Variants in IL23R observed in about 807,000 individuals in gnomAD.
IL23R encodes interleukin-23 receptor.
Under a neutral mutation model 56.9 loss-of-function variants are expected in IL23R, and 34 were observed. The ratio of observed to expected loss-of-function variants is 0.60; its 90% CI spans 0.45 to 0.80. The LOEUF is 0.80. Among genes scored for constraint, IL23R ranks in the 30% least tolerant of loss-of-function variants. The pLI is 0.00. For missense variants in IL23R, 635 were observed against 730.0 expected (o/e 0.87, Z 1.50); for synonymous variants, 230 against 249.2 (o/e 0.92, Z 0.73).
Position 67,169,370 on chromosome 1 carries a change from C to A in IL23R, c.99C>A (p.His33Gln). 1 of 1,612,598 alleles carries A rather than the reference C, an allele frequency of 6.2e-7. No homozygotes were observed. The highest frequency in any genetic ancestry group is 8.5e-7 in the Non-Finnish European group (1 of 1,178,940). ...TTACAAATATAAACTGCTCTGGCCA[C>A]ATCTGGGTAGAACCAGCCACAATTT... The part of the protein sequence containing the change: ...GGITNINCSG[H>Q]IWVEPATIFK... The change falls in exon 3 of 11, where the codon CAC becomes CAA. Residue 33 changes from histidine to glutamine, a missense_variant. His to Gln is a conservative substitution (Grantham distance 24). Transcript: ENST00000347310.
chr1:67,141,412 A>G (rs1646636372), intron 1 of IL23R, among the ~76,000 whole-genome samples: 1 of 152,098 alleles, frequency 6.6e-6, no homozygotes, highest in African/African-American at 2.4e-5. Flanking sequence ...GAAAAGTCAA[A>G]AGCCTCTTAA....
intron 4 of IL23R, among the ~76,000 whole-genome samples, chr1:67,186,913 G>A (rs541364506): frequency 2.0e-5 from 3 of 152,130 alleles, no homozygotes; most frequent in Non-Finnish European, 4.4e-5. Flanking sequence ...AAGCCAACGC[G>A]CCTGGCCCTT....
At chr1:67,141,480 C>T (rs918743418) in intron 1 of IL23R, among the ~76,000 whole-genome samples, 15 of 152,130 alleles carry the variant, frequency 9.9e-5, no homozygotes, top group East Asian at 3.9e-4. Context: ...TTTACAAGTC[C>T]GGTCCAGGGA....
rs1179795253 is a variant in IL23R, at chr1:67,227,952, T to A, written c.955+8222T>A. ...CTACAGAACAAAGATCTTTCTTTCT[T>A]TCTTTCTTTCTTTCTTTCTTTCTTT... On this transcript the variant is annotated intron_variant, in intron 7 of 10. Transcript: ENST00000347310. 7.3e-4 allele frequency among the ~76,000 whole-genome samples: 8 copies of A among 11,010 alleles called. 1 individual carries two copies. Among genetic ancestry groups the A allele is most frequent in the Non-Finnish European group, 1.4e-3 (7 of 5,178 alleles). 7.2% of individuals were successfully genotyped at this position (11,010 alleles called of 152,430 possible). A position where few individuals can be genotyped will look rare whatever the true frequency, so the allele number is the denominator to read the frequency against.
Position 67,242,942 on chromosome 1 carries a change from T to A in IL23R, c.1148+2661T>A, listed in dbSNP as rs145214643. On this transcript the variant is annotated intron_variant, in intron 9 of 10. Coordinates refer to ENST00000347310, the MANE Select transcript of IL23R (RefSeq NM_144701.3). Reference sequence around the variant, plus strand: ...TAGCCAAATGTACCTGAAGCTTTGATTGTTTTCCCAGGAATATGGGTTTGA... The same window carrying A: ...TAGCCAAATGTACCTGAAGCTTTGAATGTTTTCCCAGGAATATGGGTTTGA... Among the ~76,000 whole-genome samples the A allele has an allele frequency of 1.2e-3, 187 of 152,340 alleles. 1 individual carries two copies. Among genetic ancestry groups the A allele is most frequent in the African/African-American group, 4.4e-3 (181 of 41,586 alleles).
At chr1:67,247,864 C>T (rs752684169) in intron 9 of IL23R, among the ~76,000 whole-genome samples, 26 of 152,110 alleles carry the variant, frequency 1.7e-4, no homozygotes, top group Non-Finnish European at 3.4e-4. Context: ...ATTTCTCCTT[C>T]GCTTATGAAG....
At chr1:67,189,242 G>T (rs1243982708) in intron 4 of IL23R, among the ~76,000 whole-genome samples, 2 of 151,882 alleles carry the variant, frequency 1.3e-5, no homozygotes, top group Non-Finnish European at 1.5e-5. Flanking sequence ...ATCTAGAATG[G>T]GGCCTGACAC....
chr1:67,156,141 T>C (rs996744108), intron 1 of IL23R, among the ~76,000 whole-genome samples: 1 of 152,204 alleles, frequency 6.6e-6, no homozygotes, highest in African/African-American at 2.4e-5. Context: ...CAGCAAAGAT[T>C]GCTCCCTGTT....
intron 3 of IL23R, among the ~76,000 whole-genome samples, chr1:67,175,026 G>A (rs142452965): frequency 6.6e-6 from 1 of 152,080 alleles, no homozygotes; most frequent in African/African-American, 2.4e-5. Context: ...TGAGTCATAT[G>A]TTCATTCCCA....
downstream of IL23R, among the ~76,000 whole-genome samples, chr1:67,262,409 G>T (rs1016107990): frequency 6.6e-6 from 1 of 152,132 alleles, no homozygotes; most frequent in Admixed American, 6.6e-5. Flanking sequence ...GGGATAATGT[G>T]GTGGATAGCA....
At chr1:67,165,402 A>C (rs1646863534), upstream of IL23R, among the ~76,000 whole-genome samples, 1 of 152,218 alleles carries the variant, frequency 6.6e-6, no homozygotes, top group Admixed American at 6.5e-5. Flanking sequence ...TGTGAAATAA[A>C]AACAATTTTA....
chr1:67,226,129 G>A (rs1328765765), intron 7 of IL23R, among the ~76,000 whole-genome samples: 2 of 152,246 alleles, frequency 1.3e-5, no homozygotes, highest in Admixed American at 1.3e-4. Flanking sequence ...GCAGGAGCTG[G>A]GGTGAGCACC....
chr1:67,150,282 C>T (rs1646716756), intron 1 of IL23R, among the ~76,000 whole-genome samples: 1 of 113,094 alleles, frequency 8.8e-6, no homozygotes, highest in African/African-American at 3.4e-5. Flanking sequence ...ACTTTAAGTT[C>T]CAGGATAAAT....
At chr1:67,149,056 TGA>T (rs1646706364) in intron 1 of IL23R, among the ~76,000 whole-genome samples, 1 of 152,158 alleles carries the variant, frequency 6.6e-6, no homozygotes, top group South Asian at 2.1e-4. Flanking sequence ...AACATTGTAG[TGA>T]TAATAACCTA....
At chr1:67,143,385 A>T (rs1226823298) in intron 1 of IL23R, among the ~76,000 whole-genome samples, 2 of 152,166 alleles carry the variant, frequency 1.3e-5, no homozygotes, top group East Asian at 3.8e-4. Flanking sequence ...TTTTGAGTAT[A>T]AGGAGTTTAT....
At chr1:67,209,073 C>T (rs112874012) in intron 6 of IL23R, among the ~76,000 whole-genome samples, 4,703 of 152,168 alleles carry the variant, frequency 0.031, 103 homozygotes, top group Non-Finnish European at 0.046. Flanking sequence ...CTTGCATGGG[C>T]GCTGTAACCC....
At chr1:67,254,810 T>C (rs1019523552) in intron 9 of IL23R, among the ~76,000 whole-genome samples, 16 of 152,236 alleles carry the variant, frequency 1.1e-4, no homozygotes, top group Non-Finnish European at 4.4e-5. Context: ...ATTTGTACTG[T>C]CAATGCAGAG....
intron 7 of IL23R, among the ~76,000 whole-genome samples, chr1:67,220,047 G>T (rs749221311): frequency 6.6e-6 from 1 of 152,030 alleles, no homozygotes; most frequent in Non-Finnish European, 1.5e-5. Context: ...CTCTAGCCTG[G>T]AGGAAAGACC....
At chr1:67,141,963 C>A (rs1243089788) in intron 1 of IL23R, among the ~76,000 whole-genome samples, 1 of 152,160 alleles carries the variant, frequency 6.6e-6, no homozygotes, top group African/African-American at 2.4e-5. Flanking sequence ...TTAAGACATG[C>A]ATTACATTAT....
Sources: gnomAD v4.1 joint callset for allele counts (sites outside exome capture counted in the v4.1 genomes callset) on GRCh38, gnomAD v4.1.1 for gene constraint, MANE v1.5 for transcripts, NCBI Gene and HGNC (gene_info 2026-07-23, HGNC 2026-07-21) for gene names.